CNGB3: variants seen among roughly 807,000 people sequenced by gnomAD.
CNGB3 encodes cyclic nucleotide gated channel subunit beta 3, also known as cyclic nucleotide-gated channel beta-3.
In CNGB3, 86 loss-of-function variants were observed where a neutral mutation model predicts 92.8. The observed-to-expected ratio is 0.93, with a 90% CI of 0.78 to 1.11. The LOEUF (loss-of-function observed/expected upper bound fraction) is 1.11. Ranked by LOEUF, CNGB3 falls within the 50% of genes least tolerant of loss-of-function variation. CNGB3 has a pLI of 0.00. For missense variants in CNGB3, 1,026 were observed against 956.8 expected, an observed-to-expected ratio of 1.07 and a Z score of -0.95; for synonymous variants, 333 against 332.7, an observed-to-expected ratio of 1.00 and a Z score of -0.01.
chr8:86,668,406 A>G (rs1310104694), intron 4 of CNGB3, among the ~76,000 whole-genome samples: 4 of 152,158 alleles, frequency 2.6e-5, no homozygotes, highest in Non-Finnish European at 5.9e-5. Context: ...TGATGGGTGC[A>G]GCAAACCACC....
At chr8:86,700,176 G>A (rs973627615) in intron 3 of CNGB3, among the ~76,000 whole-genome samples, 4 of 151,896 alleles carry the variant, frequency 2.6e-5, no homozygotes, top group Non-Finnish European at 2.9e-5. Flanking sequence ...TTTTTAAATT[G>A]GTTTAATTCA....
At chr8:86,585,669 A>G (rs1585948078) in intron 15 of CNGB3, among the ~76,000 whole-genome samples, 1 of 152,340 alleles carries the variant, frequency 6.6e-6, no homozygotes, top group East Asian at 1.9e-4. Flanking sequence ...CTTCTGTACC[A>G]TAAAAATGGA....
intron 15 of CNGB3, among the ~76,000 whole-genome samples, chr8:86,585,614 A>T (rs1821876246): frequency 6.6e-6 from 1 of 152,220 alleles, no homozygotes; most frequent in South Asian, 2.1e-4. Context: ...ATTCATAAAA[A>T]AATGAACACT....
At chr8:86,676,322 G>A (rs1823967785) in intron 3 of CNGB3, among the ~76,000 whole-genome samples, 1 of 152,142 alleles carries the variant, frequency 6.6e-6, no homozygotes, top group Admixed American at 6.5e-5. Context: ...AGGATGGACA[G>A]CACTTTGATA....
At chr8:86,647,738 A>G (rs1823316280) in intron 8 of CNGB3, 63 bp downstream of exon 8, 1 of 920,800 alleles carries the variant, frequency 1.1e-6, no homozygotes, top group Non-Finnish European at 1.8e-6. Flanking sequence ...CAAGATTTCC[A>G]TTATAGGGAA....
chr8:86,604,312 G>A, intron 14 of CNGB3, 101 bp from the exon 15 acceptor site: 1 of 761,904 alleles, frequency 1.3e-6, no homozygotes, highest in Admixed American at 2.3e-5. Flanking sequence ...AAATATAAAT[G>A]AAGGAAGCAA....
At chr8:86,664,270 A>G (rs1823699421) in intron 6 of CNGB3, among the ~76,000 whole-genome samples, 1 of 152,280 alleles carries the variant, frequency 6.6e-6, no homozygotes, top group South Asian at 2.1e-4. Flanking sequence ...AGAAAAAAAT[A>G]TTCAAAGCTA....
At chr8:86,624,023 C>T (rs181578646) in intron 13 of CNGB3, among the ~76,000 whole-genome samples, 91 of 152,334 alleles carry the variant, frequency 6.0e-4, no homozygotes, top group Non-Finnish European at 1.2e-3. Flanking sequence ...CTTCCTAAGG[C>T]CTTTTCTTCA....
intron 3 of CNGB3, among the ~76,000 whole-genome samples, chr8:86,691,988 G>C (rs1046141370): frequency 6.6e-5 from 10 of 152,124 alleles, no homozygotes; most frequent in Admixed American, 3.3e-4. Flanking sequence ...TTGACCAAAT[G>C]ATCATTCAGG....
intron 6 of CNGB3, chr8:86,659,024 G>C: frequency 1.0e-6 from 1 of 1,005,024 alleles, no homozygotes; most frequent in Non-Finnish European, 1.5e-6. Flanking sequence ...GCAGGTGCTC[G>C]GCCTCCACTT....
At chr8:86,682,647 G>A (rs1824103333) in intron 3 of CNGB3, among the ~76,000 whole-genome samples, 1 of 152,106 alleles carries the variant, frequency 6.6e-6, no homozygotes, top group East Asian at 1.9e-4. Flanking sequence ...AGAGCTCCTG[G>A]AAGGGAGGGG....
chr8:86,592,593 CA>C (rs1412005635), intron 15 of CNGB3, among the ~76,000 whole-genome samples: 2 of 152,086 alleles, frequency 1.3e-5, no homozygotes, highest in Non-Finnish European at 2.9e-5. Context: ...CCTTCTTAAG[CA>C]GATGCAATTT....
At position 86,740,510 on chromosome 8, in the gene CNGB3, C is replaced by T. The variant is rs184660720; in HGVS notation, c.130-774G>A. Among the ~76,000 whole-genome samples the T allele has an allele frequency of 4.7e-4, 71 of 152,164 alleles. No homozygotes were observed. The South Asian group carries it at 5.4e-3, about 12-fold the overall frequency. On this transcript the variant is annotated intron_variant, in intron 1 of 17. Transcript: ENST00000320005. ...TAGAAAATATTCCAGGCAGATGATG[C>T]AGGTTTAGCAAAAGCCAAAGGCGTG...
intron 13 of CNGB3, among the ~76,000 whole-genome samples, chr8:86,620,782 T>G (rs1396843016): frequency 6.6e-6 from 1 of 152,194 alleles, no homozygotes; most frequent in Non-Finnish European, 1.5e-5. Flanking sequence ...AGGATCACTA[T>G]TCATCCTATT....
At chr8:86,738,568 G>A (rs1348706996) in intron 2 of CNGB3, among the ~76,000 whole-genome samples, 1 of 152,144 alleles carries the variant, frequency 6.6e-6, no homozygotes, top group African/African-American at 2.4e-5. Flanking sequence ...GGCCGGGCGC[G>A]GTGGCTCACG....
chr8:86,635,821 GATATATATATATATATATATATAT>G (rs57486853), intron 10 of CNGB3, among the ~76,000 whole-genome samples: 19 of 60,596 alleles, frequency 3.1e-4, no homozygotes, highest in South Asian at 8.3e-4. Context: ...TATAACACAT[GATATATATATATATATATATATAT>G]ATATATATAT....
intron 15 of CNGB3, among the ~76,000 whole-genome samples, chr8:86,588,544 A>G (rs1363662067): frequency 1.3e-5 from 2 of 151,474 alleles, no homozygotes; most frequent in African/African-American, 4.9e-5. Context: ...AGTTTTTAGC[A>G]TGAAGGTTGT....
intron 13 of CNGB3, among the ~76,000 whole-genome samples, chr8:86,621,791 G>A (rs139324235): frequency 0.017 from 2,535 of 152,260 alleles, 71 homozygotes; most frequent in African/African-American, 0.058. Flanking sequence ...CCAGCCAGGC[G>A]TGGTGGCTCA....
chr8:86,671,926 T>C (rs1823869865), intron 3 of CNGB3, among the ~76,000 whole-genome samples: 1 of 152,210 alleles, frequency 6.6e-6, no homozygotes, highest in African/African-American at 2.4e-5. Context: ...CTCAGACTTC[T>C]GATTTGGACC....
Sources: gnomAD v4.1 joint callset for allele counts (sites outside exome capture counted in the v4.1 genomes callset) on GRCh38, gnomAD v4.1.1 for gene constraint, MANE v1.5 for transcripts, NCBI Gene and HGNC (gene_info 2026-07-23, HGNC 2026-07-21) for gene names.